The following RAB8B variants were observed in gnomAD, a reference collection of about 807,000 sequenced individuals.
RAB8B encodes the protein RAB8B, member RAS oncogene family.
RAB8B carries 11 observed loss-of-function variants against 32.0 expected under a neutral mutation model. The ratio of observed to expected loss-of-function variants is 0.34; its 90% CI spans 0.22 to 0.57. The LOEUF (loss-of-function observed/expected upper bound fraction) is 0.57, where lower values mean the gene tolerates loss of function less well. RAB8B is among the 20% of genes least tolerant of loss of function. RAB8B has a pLI of 0.86. For synonymous variants in RAB8B, 103 were observed against 89.6 expected (o/e 1.15, Z -0.85); for missense variants, 190 against 258.5 (o/e 0.73, Z 1.82).
chr15:63,256,285 T>C (rs1157136880), intron 4 of RAB8B, among the ~76,000 whole-genome samples: 1 of 152,234 alleles, frequency 6.6e-6, no homozygotes, highest in Admixed American at 6.5e-5. Flanking sequence ...TTCCACCTTC[T>C]TTCCAAACCT....
intron 1 of RAB8B, among the ~76,000 whole-genome samples, chr15:63,216,289 C>T (rs1462995666): frequency 6.8e-6 from 1 of 146,260 alleles, no homozygotes; most frequent in Non-Finnish European, 1.5e-5. Context: ...AGTGCAGCGG[C>T]ACAATCTTGG....
chr15:63,239,955 GAA>G (rs1265514261), intron 1 of RAB8B, among the ~76,000 whole-genome samples: 1 of 152,096 alleles, frequency 6.6e-6, no homozygotes, highest in East Asian at 1.9e-4. Context: ...GCTGAGGAGA[GAA>G]GAGAGGGAAC....
intron 1 of RAB8B, among the ~76,000 whole-genome samples, chr15:63,228,265 C>G (rs1032706464): frequency 1.3e-5 from 2 of 152,214 alleles, no homozygotes; most frequent in Non-Finnish European, 2.9e-5. Context: ...ATCCTCCTGC[C>G]TTGGTCTCCC....
chr15:63,205,224 C>T (rs2141112270), intron 1 of RAB8B, among the ~76,000 whole-genome samples: 1 of 152,326 alleles, frequency 6.6e-6, no homozygotes, highest in African/African-American at 2.4e-5. Context: ...CGCTTGAACC[C>T]AGGAGATGGA....
In RAB8B at chr15:63,266,537, T is replaced by A. The variant is rs1178215574; in HGVS notation, c.*2918T>A. On this transcript the variant is annotated 3_prime_UTR_variant, in exon 8 of 8. Transcript: ENST00000321437. ...AGGTCTATTTTTTAATTATACCTCATTTAGCTAACTAGTATTCTAATACCT... is the reference window on the plus strand; with the variant it reads ...AGGTCTATTTTTTAATTATACCTCAATTAGCTAACTAGTATTCTAATACCT... The A allele has an allele frequency of 6.6e-6, 1 of 152,592 alleles. No individual in the cohort carries two copies. The highest frequency in any genetic ancestry group is 1.5e-5 in the Non-Finnish European group (1 of 68,004). The allele number at this position is 152,592 out of a possible 1,614,324, so 9.5% of individuals were successfully genotyped here.
chr15:63,204,894 A>G (rs560471174), intron 1 of RAB8B, among the ~76,000 whole-genome samples: 2 of 152,360 alleles, frequency 1.3e-5, no homozygotes, highest in South Asian at 2.1e-4. Flanking sequence ...GCAGTGGCAC[A>G]TGCCTATAAT....
intron 2 of RAB8B, 121 bp downstream of exon 2, chr15:63,244,937 C>T (rs2038059724): frequency 2.4e-6 from 2 of 835,254 alleles, no homozygotes; most frequent in South Asian, 3.6e-5. Flanking sequence ...TTTATCGGAA[C>T]CAAGGGGAAA....
chr15:63,234,139 C>G (rs2037958835), intron 1 of RAB8B, among the ~76,000 whole-genome samples: 1 of 152,134 alleles, frequency 6.6e-6, no homozygotes, highest in African/African-American at 2.4e-5. Flanking sequence ...AGATAGTACT[C>G]AAAGCAGGAG....
chr15:63,237,137 C>T (rs2037987751), intron 1 of RAB8B, among the ~76,000 whole-genome samples: 1 of 152,112 alleles, frequency 6.6e-6, no homozygotes, highest in South Asian at 2.1e-4. Flanking sequence ...TTTTCTTTGT[C>T]CATTCATCTG....
At chr15:63,232,395 A>G (rs1443058564) in intron 1 of RAB8B, among the ~76,000 whole-genome samples, 1 of 152,216 alleles carries the variant, frequency 6.6e-6, no homozygotes, top group Non-Finnish European at 1.5e-5. Flanking sequence ...TTTATGGCTC[A>G]AAGAGAAATT....
At position 63,264,430 on chromosome 15, in the gene RAB8B, G is replaced by A. The variant is rs1029847128; in HGVS notation, c.*811G>A. Reference sequence around the variant, plus strand: ...AACATTATTATCTGTTTCTATTTGTGAACTTCTTGAGCTGAAATTTTACGT... The same window carrying A: ...AACATTATTATCTGTTTCTATTTGTAAACTTCTTGAGCTGAAATTTTACGT... On this transcript the variant is annotated 3_prime_UTR_variant, in exon 8 of 8. Transcript: ENST00000321437. 6.6e-6 allele frequency: 1 copy of A among 152,134 alleles called. No homozygotes were observed. Among genetic ancestry groups the A allele is most frequent in the African/African-American group, 2.4e-5 (1 of 41,428 alleles). The allele number at this position is 152,134 out of a possible 1,614,324, so 9.4% of individuals were successfully genotyped here.
At chr15:63,228,114 T>C (rs2037904725) in intron 1 of RAB8B, among the ~76,000 whole-genome samples, 1 of 152,116 alleles carries the variant, frequency 6.6e-6, no homozygotes, top group African/African-American at 2.4e-5. Flanking sequence ...CCTCCTAGGC[T>C]CAAGCAATTC....
intron 1 of RAB8B, among the ~76,000 whole-genome samples, chr15:63,221,949 T>C (rs895496632): frequency 6.6e-6 from 1 of 152,210 alleles, no homozygotes; most frequent in Non-Finnish European, 1.5e-5. Flanking sequence ...AGTCACATAT[T>C]TGATTATTGC....
Position 63,213,128 on chromosome 15 carries a change from A to G in RAB8B, c.124+23380A>G, listed in dbSNP as rs1595736935. ...AGGTTCTGACTATTCTCTTTTCAGAACTAGGGACAATTTCAGCTTGTACAC... is the reference window on the plus strand; with the variant it reads ...AGGTTCTGACTATTCTCTTTTCAGAGCTAGGGACAATTTCAGCTTGTACAC... On this transcript the variant is annotated intron_variant, in intron 1 of 7. Transcript: ENST00000321437. Among the ~76,000 whole-genome samples the G allele has an allele frequency of 2.0e-5, 3 of 152,270 alleles. 1 individual carries two copies. The East Asian group carries it at 5.8e-4, about 29-fold the overall frequency.
intron 4 of RAB8B, 95 bp downstream of exon 4, chr15:63,255,679 A>T (rs2038153526): frequency 1.9e-6 from 2 of 1,026,252 alleles, no homozygotes; most frequent in Non-Finnish European, 3.0e-6. Flanking sequence ...GCTGCTTAGA[A>T]GCAGGGCATG....
intron 4 of RAB8B, among the ~76,000 whole-genome samples, 180 bp downstream of exon 4, chr15:63,255,764 G>A (rs576215112): frequency 5.7e-4 from 87 of 152,326 alleles, no homozygotes; most frequent in African/African-American, 1.7e-3. Flanking sequence ...GGGGGTTAGG[G>A]GGACAGAGAA....
chr15:63,241,069 A>G (rs965056269), intron 1 of RAB8B, among the ~76,000 whole-genome samples: 2 of 152,172 alleles, frequency 1.3e-5, no homozygotes, highest in Non-Finnish European at 2.9e-5. Flanking sequence ...AAGGTTGGGC[A>G]GGCTAGCTCA....
intron 3 of RAB8B, among the ~76,000 whole-genome samples, chr15:63,250,122 A>G (rs8029595): frequency 0.92 from 139,786 of 152,206 alleles, 64,999 homozygotes; most frequent in East Asian, 1. Flanking sequence ...TGGCCTGGGC[A>G]ACAGAGCGAG....
chr15:63,209,428 TA>T (rs2037728304), intron 1 of RAB8B, among the ~76,000 whole-genome samples: 1 of 151,636 alleles, frequency 6.6e-6, no homozygotes, highest in South Asian at 2.1e-4. Context: ...CTGTCTCTAC[TA>T]AAAATACAAA....
Sources: allele counts gnomAD v4.1 joint callset (sites outside exome capture counted in the v4.1 genomes callset), GRCh38; gene constraint gnomAD v4.1.1; transcripts MANE v1.5; gene names NCBI Gene and HGNC (gene_info 2026-07-23, HGNC 2026-07-21).